The following CCSER1 variants were observed in gnomAD, a reference collection of about 807,000 sequenced individuals.
The protein encoded by CCSER1 is coiled-coil serine rich protein 1.
CCSER1 carries 41 observed loss-of-function variants against 82.0 expected under a neutral mutation model. The ratio of observed to expected loss-of-function variants is 0.50; its 90% CI spans 0.39 to 0.65. CCSER1 has a LOEUF of 0.65. Among genes scored for constraint, CCSER1 ranks in the 30% least tolerant of loss-of-function variants. The probability of loss-of-function intolerance (pLI) is 0.00; values close to 1 mark genes in which losing one functional copy is unlikely to be tolerated. For missense variants in CCSER1, 1,119 were observed against 1,064.2 expected, an observed-to-expected ratio of 1.05 and a Z score of -0.72; for synonymous variants, 414 against 383.9, an observed-to-expected ratio of 1.08 and a Z score of -0.92.
intron 10 of CCSER1, among the ~76,000 whole-genome samples, chr4:91,560,390 G>T (rs1762598767): frequency 6.6e-6 from 1 of 151,356 alleles, no homozygotes; most frequent in African/African-American, 2.4e-5. Flanking sequence ...AAACATAGTG[G>T]GTGATTAGTA....
intron 6 of CCSER1, among the ~76,000 whole-genome samples, chr4:90,716,064 A>G (rs1741580821): frequency 6.6e-6 from 1 of 151,200 alleles, no homozygotes; most frequent in African/African-American, 2.4e-5. Context: ...AATAATATAT[A>G]TATTACCCTA....
At chr4:91,256,864 G>T (rs1740731228) in intron 10 of CCSER1, among the ~76,000 whole-genome samples, 1 of 152,078 alleles carries the variant, frequency 6.6e-6, no homozygotes. Context: ...CTTCTTCTTG[G>T]GAAGAAATCA....
chr4:90,583,099 C>A (rs900066456), intron 5 of CCSER1, among the ~76,000 whole-genome samples: 7 of 152,158 alleles, frequency 4.6e-5, no homozygotes, highest in African/African-American at 1.2e-4. Context: ...TACTACACCA[C>A]CTTCTACTCA....
chr4:91,194,823 C>T (rs17018209), intron 10 of CCSER1, among the ~76,000 whole-genome samples: 16,976 of 152,208 alleles, frequency 0.11, 1,097 homozygotes, highest in East Asian at 0.23. Flanking sequence ...GCAATCCACA[C>T]TGTAAAAAGC....
At chr4:91,377,487 T>C (rs898017842) in intron 10 of CCSER1, among the ~76,000 whole-genome samples, 4 of 152,248 alleles carry the variant, frequency 2.6e-5, no homozygotes, top group African/African-American at 9.6e-5. Flanking sequence ...GATTTGCATT[T>C]CTCTGATGGC....
chr4:91,499,742 G>C (rs924166592), intron 10 of CCSER1, among the ~76,000 whole-genome samples: 1 of 151,874 alleles, frequency 6.6e-6, no homozygotes, highest in South Asian at 2.1e-4. Context: ...AGTCTTTTCA[G>C]ATTGGCTTCT....
intron 1 of CCSER1, among the ~76,000 whole-genome samples, chr4:90,223,774 T>C (rs1742618134): frequency 6.6e-6 from 1 of 152,230 alleles, no homozygotes; most frequent in African/African-American, 2.4e-5. Flanking sequence ...TTGCATTGAA[T>C]ATGACATGGG....
intron 10 of CCSER1, among the ~76,000 whole-genome samples, chr4:91,127,041 T>A (rs552878719): frequency 6.6e-6 from 1 of 152,114 alleles, no homozygotes; most frequent in East Asian, 1.9e-4. Context: ...CAGCTCTTTG[T>A]ATTTGACTCA....
At chr4:91,281,345 C>A (rs1486245182) in intron 10 of CCSER1, among the ~76,000 whole-genome samples, 1 of 152,114 alleles carries the variant, frequency 6.6e-6, no homozygotes, top group Non-Finnish European at 1.5e-5. Context: ...TATCTTGAAG[C>A]CCCTCCCTGA....
rs540692312 is a variant in CCSER1, at chr4:90,321,256, T to A, written c.1509+8209T>A. ...GTTACCCATCATTCTATTCTGTATTTCTGTGACTTCAAATGTTTTAATTTT... is the reference window on the plus strand; with the variant it reads ...GTTACCCATCATTCTATTCTGTATTACTGTGACTTCAAATGTTTTAATTTT... On this transcript the variant is annotated intron_variant, in intron 3 of 10. Transcript: ENST00000509176. Among the ~76,000 whole-genome samples, 3 of 152,266 alleles carry A rather than the reference T, an allele frequency of 2.0e-5. No individual in the cohort carries two copies. The South Asian group carries it at 6.2e-4, about 32-fold the overall frequency.
intron 10 of CCSER1, among the ~76,000 whole-genome samples, chr4:91,163,997 G>T (rs28885725): frequency 8.5e-5 from 13 of 152,078 alleles, no homozygotes; most frequent in Admixed American, 3.3e-4. Flanking sequence ...TATTTTGCTC[G>T]TTAGTTGATG....
At chr4:91,369,641 A>G (rs1312249695) in intron 10 of CCSER1, among the ~76,000 whole-genome samples, 1 of 147,320 alleles carries the variant, frequency 6.8e-6, no homozygotes, top group East Asian at 2.1e-4. Context: ...ACAAGGTCCC[A>G]GGTCCAAATT....
At chr4:91,591,612 TTTTTA>T (rs764612235) in intron 10 of CCSER1, among the ~76,000 whole-genome samples, 1 of 152,140 alleles carries the variant, frequency 6.6e-6, no homozygotes, top group South Asian at 2.1e-4. Context: ...TTACCAAAAT[TTTTTA>T]TTTTTATAAA....
intron 1 of CCSER1, among the ~76,000 whole-genome samples, chr4:90,187,251 A>G (rs1734767792): frequency 6.6e-6 from 1 of 151,992 alleles, no homozygotes; most frequent in Admixed American, 6.6e-5. Context: ...ATTAAAAAAC[A>G]CTGCATCATA....
chr4:90,672,833 G>A (rs1456409489), intron 6 of CCSER1, among the ~76,000 whole-genome samples: 1 of 151,876 alleles, frequency 6.6e-6, no homozygotes, highest in Non-Finnish European at 1.5e-5. Context: ...GAAATAGGGA[G>A]ATCCAACGAG....
At chr4:91,048,273 C>T (rs1286318339) in intron 9 of CCSER1, among the ~76,000 whole-genome samples, 1 of 149,498 alleles carries the variant, frequency 6.7e-6, no homozygotes, top group Non-Finnish European at 1.5e-5. Flanking sequence ...TATATATACA[C>T]ACATATATTT....
At chr4:90,258,232 C>A (rs565611678) in intron 1 of CCSER1, among the ~76,000 whole-genome samples, 5 of 152,066 alleles carry the variant, frequency 3.3e-5, no homozygotes, top group Non-Finnish European at 7.4e-5. Flanking sequence ...AAAAAAATAT[C>A]GGATGGGCAC....
intron 4 of CCSER1, among the ~76,000 whole-genome samples, chr4:90,402,278 T>C (rs1752982023): frequency 1.3e-5 from 2 of 152,232 alleles, no homozygotes; most frequent in African/African-American, 4.8e-5. Context: ...GGTATACTTA[T>C]CTGAAATATA....
intron 10 of CCSER1, among the ~76,000 whole-genome samples, chr4:91,483,161 T>C (rs944775072): frequency 6.6e-6 from 1 of 151,920 alleles, no homozygotes; most frequent in Non-Finnish European, 1.5e-5. Context: ...TTAGTAAATG[T>C]AAATTCATAG....
Sources: gnomAD v4.1 joint callset for allele counts (sites outside exome capture counted in the v4.1 genomes callset) on GRCh38, gnomAD v4.1.1 for gene constraint, MANE v1.5 for transcripts, NCBI Gene and HGNC (gene_info 2026-07-23, HGNC 2026-07-21) for gene names.